Variants in ZNF155 observed in about 807,000 individuals in gnomAD.
ZNF155 encodes KRAB A domain.
In ZNF155, 15 loss-of-function variants were observed where a neutral mutation model predicts 11.9. That is an observed-to-expected ratio of 1.26 (90% CI 0.84 to 1.94). The LOEUF is 1.94. ZNF155 is among the 30% of genes most tolerant of loss of function. ZNF155 has a pLI of 0.00. For missense variants in ZNF155, 602 were observed against 639.1 expected, an observed-to-expected ratio of 0.94 and a Z score of 0.63; for synonymous variants, 212 against 219.9, an observed-to-expected ratio of 0.96 and a Z score of 0.32.
intron 4 of ZNF155, 45 bp downstream of exon 4, chr19:43,991,979 C>T: frequency 6.4e-7 from 1 of 1,559,702 alleles, no homozygotes; most frequent in Non-Finnish European, 8.8e-7. Context: ...ACTCTCCCAC[C>T]TGTTGTGCTT....
rs1333708393 is a variant in ZNF155, at chr19:43,991,844, C to T, written c.145C>T (p.His49Tyr). 1.9e-6 allele frequency: 3 copies of T among 1,613,438 alleles called. No individual in the cohort carries two copies. The highest frequency in any genetic ancestry group is 1.7e-5 in the Admixed American group (1 of 59,990). Residue 49 changes from histidine (H) to tyrosine (Y), a missense_variant and splice_region_variant, in exon 4 of 5, where the codon CAT (histidine) becomes TAT (tyrosine). Physicochemically the swap from His to Tyr is moderately conservative, Grantham distance 83. Transcript: ENST00000270014. ...CACGTGACCTTACCTATTCACAGGG[C>T]ATCAACCGTTCCACCAAGATACTTG... is the stretch of plus-strand genomic sequence containing the variant. ...ENFRNLLSVG[H>Y]QPFHQDTCHF...
chr19:43,985,658 C>CA lies in ZNF155; in HGVS notation c.-86+1414dup, dbSNP rs530218232. Among the ~76,000 whole-genome samples the CA allele has an allele frequency of 7.3e-5, 11 of 151,034 alleles. No individual in the cohort carries two copies. In the East Asian group the frequency reaches 2.0e-3, roughly 27 times the overall value. On this transcript the variant is annotated intron_variant, in intron 1 of 4. Coordinates refer to ENST00000270014, the MANE Select transcript of ZNF155 (RefSeq NM_198089.3). Reference sequence around the variant, plus strand: ...CCAGGTTCAGGCGATTCTCCTGCTTCAGCCTCCTAAGTAGCTGGGATTACA... The same window carrying CA: ...CCAGGTTCAGGCGATTCTCCTGCTTCAAGCCTCCTAAGTAGCTGGGATTACA...
rs151250889 is a variant in ZNF155, at chr19:43,997,630, C to T, written c.*156C>T. ...CCATTTGAGAGGAGTTGGTAGACAG[C>T]AAGGGAAGGGTCCCTGGAGACCCCC... On this transcript the variant is annotated 3_prime_UTR_variant, in exon 5 of 5. Transcript: ENST00000270014. 0.011 allele frequency: 8,611 copies of T among 753,658 alleles called. 64 individuals are homozygous for T. Among genetic ancestry groups the T allele is most frequent in the Non-Finnish European group, 0.015 (7,218 of 489,376 alleles). The allele number at this position is 753,658 out of a possible 1,614,324, so 46.7% of individuals were successfully genotyped here.
At position 43,990,112 on chromosome 19, in the gene ZNF155, G is replaced by C. The variant is rs147844050; in HGVS notation, c.16-1436G>C. ...TTGTATTCTGTTCAAAGATTATGGA[G>C]GTAGGTAAAAAACTGGGAAGAAAGC... On this transcript the variant is annotated intron_variant, in intron 2 of 4. Transcript: ENST00000270014. The C allele has an allele frequency of 6.1e-4, 919 of 1,513,490 alleles. 5 individuals carry two copies. The African/African-American group carries it at 0.011, about 18-fold the overall frequency. 93.8% of individuals were successfully genotyped at this position (1,513,490 alleles called of 1,614,324 possible). A position where few individuals can be genotyped will look rare whatever the true frequency, so the allele number is the denominator to read the frequency against.
intron 1 of ZNF155, among the ~76,000 whole-genome samples, chr19:43,985,533 CTTTT>C (rs752604890): frequency 5.1e-5 from 5 of 97,876 alleles, no homozygotes; most frequent in Non-Finnish European, 9.0e-5. Flanking sequence ...TGCTCTTTTT[CTTTT>C]TTTTTTTTTT....
At position 43,997,553 on chromosome 19, in the gene ZNF155, G is replaced by C; in HGVS notation, c.*79G>C. 1 of 1,192,016 alleles carries C rather than the reference G, an allele frequency of 8.4e-7. No homozygotes were observed. Among genetic ancestry groups the C allele is most frequent in the East Asian group, 2.5e-5 (1 of 39,558 alleles). The allele number at this position is 1,192,016 out of a possible 1,614,324, so 73.8% of individuals were successfully genotyped here. ...TAGTGATCCAATCAGTGTAATTGGT[G>C]TATCTGTTACCTCAAACATTTACCA... On this transcript the variant is annotated 3_prime_UTR_variant, in exon 5 of 5. Transcript: ENST00000270014.
In ZNF155 at chr19:43,996,053, G is replaced by T. The variant is rs200975774; in HGVS notation, c.236-40G>T. The T allele has an allele frequency of 4.1e-5, 63 of 1,535,012 alleles. No individual in the cohort carries two copies. In the African/African-American group the frequency reaches 6.2e-4, roughly 15 times the overall value. Reference sequence around the variant, plus strand: ...GAAACCTTGAGATCACTGAATAAAGGCTTCACCTGTACACATCTCTTAAAT... The same window carrying T: ...GAAACCTTGAGATCACTGAATAAAGTCTTCACCTGTACACATCTCTTAAAT... On this transcript the variant is annotated intron_variant, in intron 4 of 4. Transcript: ENST00000270014.
chr19:43,985,339 G>A (rs2147366316), intron 1 of ZNF155, among the ~76,000 whole-genome samples: 1 of 152,212 alleles, frequency 6.6e-6, no homozygotes, highest in Non-Finnish European at 1.5e-5. Flanking sequence ...GGAATTACAG[G>A]TGTGAGCCAC....
intron 1 of ZNF155, among the ~76,000 whole-genome samples, chr19:43,984,623 A>C (rs1377895956): frequency 2.0e-5 from 3 of 152,084 alleles, no homozygotes; most frequent in Admixed American, 2.0e-4. Flanking sequence ...CCGTTTTTTA[A>C]ATGAGGATTT....
intron 1 of ZNF155, among the ~76,000 whole-genome samples, chr19:43,984,824 C>G (rs1975377924): frequency 6.6e-6 from 1 of 152,146 alleles, no homozygotes; most frequent in African/African-American, 2.4e-5. Context: ...CCGGACGCCT[C>G]TGACCTCTTT....
rs1231840272 is a variant in ZNF155 at position 43,996,113 on chromosome 19, T to C, written c.256T>C (p.Leu86=). The part of the protein sequence containing the change: ...GNSGGKIQTE[L]ESVPEAGAHE... Reference sequence around the variant, plus strand: ...TATAGGAGGCAAGATCCAAACTGAGTTGGAGTCTGTTCCAGAAGCAGGAGC... The same window carrying C: ...TATAGGAGGCAAGATCCAAACTGAGCTGGAGTCTGTTCCAGAAGCAGGAGC... Residue 86 remains leucine (L), a synonymous_variant, in exon 5 of 5, where the codon TTG becomes CTG. Coordinates refer to ENST00000270014, the MANE Select transcript of ZNF155 (RefSeq NM_198089.3). 1.2e-6 allele frequency: 2 copies of C among 1,608,288 alleles called. No individual in the cohort carries two copies. Among genetic ancestry groups the C allele is most frequent in the Admixed American group, 1.7e-5 (1 of 59,640 alleles).
At chr19:43,990,494 A>C (rs1975619214) in intron 2 of ZNF155, among the ~76,000 whole-genome samples, 1 of 152,186 alleles carries the variant, frequency 6.6e-6, no homozygotes, top group Non-Finnish European at 1.5e-5. Flanking sequence ...AATAAGGACT[A>C]TTATTTAGAG....
intron 1 of ZNF155, among the ~76,000 whole-genome samples, chr19:43,986,819 T>G (rs1354459136): frequency 6.6e-6 from 1 of 152,184 alleles, no homozygotes; most frequent in African/African-American, 2.4e-5. Flanking sequence ...ATTTCAAAGC[T>G]GTAGAAGAGT....
intron 1 of ZNF155, among the ~76,000 whole-genome samples, chr19:43,987,323 C>T (rs1021952450): frequency 2.0e-5 from 3 of 152,168 alleles, no homozygotes; most frequent in African/African-American, 4.8e-5. Flanking sequence ...TTACTCGTCA[C>T]ATTTCTGTCT....
At chr19:43,992,404 G>C (rs11669568) in intron 4 of ZNF155, among the ~76,000 whole-genome samples, 20,591 of 152,136 alleles carry the variant, frequency 0.14, 1,458 homozygotes, top group East Asian at 0.19. Context: ...TTATCTCTCT[G>C]TTCTTTAGGC....
Position 43,997,238 on chromosome 19 carries a change from T to G in ZNF155, c.1381T>G (p.Cys461Gly), listed in dbSNP as rs148988125. The stretch of plus-strand genomic sequence containing the variant: ...AGAGAGACCTTATAATTGTAAGGAA[T>G]GTGGGAAGAACTTTAGCCGGGCCTC... ...TGERPYNCKE[C>G]GKNFSRASSI... Residue 461 changes from cysteine to glycine, a missense_variant, in exon 5 of 5, where the codon TGT becomes GGT. By Grantham distance (159) the Cys-to-Gly change is radical. Transcript: ENST00000270014. 1.1e-4 allele frequency: 171 copies of G among 1,614,008 alleles called. No homozygotes were observed. Among genetic ancestry groups the G allele is most frequent in the Non-Finnish European group, 1.4e-4 (168 of 1,180,028 alleles).
intron 1 of ZNF155, among the ~76,000 whole-genome samples, chr19:43,985,929 T>C (rs886310597): frequency 3.9e-5 from 6 of 152,128 alleles, no homozygotes; most frequent in African/African-American, 1.4e-4. Context: ...CCTAGGCAGT[T>C]TGGGTCAGAG....
chr19:43,993,903 G>A (rs1975747080), intron 4 of ZNF155, among the ~76,000 whole-genome samples: 1 of 152,166 alleles, frequency 6.6e-6, no homozygotes, highest in Non-Finnish European at 1.5e-5. Flanking sequence ...GCAAGCATGA[G>A]CCATAGTAAG....
chr19:43,997,400 G>A lies in ZNF155; in HGVS notation c.1543G>A (p.Glu515Lys), dbSNP rs1279282252. The change falls in exon 5 of 5, where the codon GAG becomes AAG. Residue 515 changes from glutamate (E) to lysine (K), a missense_variant. Glu to Lys is a moderately conservative substitution (Grantham distance 56). Coordinates refer to ENST00000270014, the MANE Select transcript of ZNF155 (RefSeq NM_198089.3). ...DYSGENPSKC[E>K]DCGRRYKRRL... Reference sequence around the variant, plus strand: ...TAGTGGGGAAAACCCATCCAAATGTGAGGATTGTGGGAGACGCTACAAGAG... The same window carrying A: ...TAGTGGGGAAAACCCATCCAAATGTAAGGATTGTGGGAGACGCTACAAGAG... 1 of 1,613,810 alleles carries A rather than the reference G, an allele frequency of 6.2e-7. No homozygotes were observed. The highest frequency in any genetic ancestry group is 1.7e-5 in the Admixed American group (1 of 59,942).
Sources: gnomAD v4.1 joint callset for allele counts (sites outside exome capture counted in the v4.1 genomes callset) on GRCh38, gnomAD v4.1.1 for gene constraint, MANE v1.5 for transcripts, NCBI Gene and HGNC (gene_info 2026-07-23, HGNC 2026-07-21) for gene names.